Variants in INCENP observed in about 807,000 individuals in gnomAD.
The protein encoded by INCENP is inner centromere protein.
INCENP carries 43 observed loss-of-function variants against 107.3 expected under a neutral mutation model. The ratio of observed to expected loss-of-function variants is 0.40; its 90% CI spans 0.31 to 0.52. INCENP has a LOEUF of 0.52. Ranked by LOEUF, INCENP falls within the 20% of genes least tolerant of loss-of-function variation. The pLI is 0.53. For synonymous variants in INCENP, 488 were observed against 494.4 expected, an observed-to-expected ratio of 0.99 and a Z score of 0.17; for missense variants, 1,089 against 1,250.9, an observed-to-expected ratio of 0.87 and a Z score of 1.95.
intron 13 of INCENP, 36 bp downstream of exon 13, chr11:62,145,325 G>A (rs1372262451): frequency 6.2e-7 from 1 of 1,612,632 alleles, no homozygotes; most frequent in Middle Eastern, 1.6e-4. Context: ...AGGCAATTCA[G>A]GACTTGGGCC....
chr11:62,133,949 C>T (rs938752103), intron 4 of INCENP, among the ~76,000 whole-genome samples: 5 of 152,178 alleles, frequency 3.3e-5, no homozygotes, highest in Non-Finnish European at 5.9e-5. Flanking sequence ...CCAGCCTGAA[C>T]TCTGACCAAG....
Position 62,146,771 on chromosome 11 carries a change from G to A in INCENP, c.2073G>A (p.Glu691=), listed in dbSNP as rs1193814852. 6.5e-7 allele frequency: 1 copy of A among 1,540,306 alleles called. No homozygotes were observed. Among genetic ancestry groups the A allele is most frequent in the Admixed American group, 2.0e-5 (1 of 50,766 alleles). The stretch of plus-strand genomic sequence containing the variant: ...GGCTGGCAGAGCAGCGGGAGCAGGA[G>A]CGGCGGGAGCAGGAGCGGCGCGAGC... ...AKRLAEQREQ[E]RREQERREQE... Residue 691 remains glutamate (E), a synonymous_variant, in exon 15 of 19, where the codon GAG becomes GAA. Coordinates refer to ENST00000394818, the MANE Select transcript of INCENP (RefSeq NM_001040694.2).
rs760036597 is a variant in INCENP at position 62,145,338 on chromosome 11, G to A, written c.1836+49G>A. On this transcript the variant is annotated intron_variant, in intron 13 of 18. Coordinates refer to ENST00000394818, the MANE Select transcript of INCENP (RefSeq NM_001040694.2). The stretch of plus-strand genomic sequence containing the variant: ...CCAGGCAATTCAGGACTTGGGCCAA[G>A]GGTTAGGACTGGACCCCTCAGGAAA... The A allele has an allele frequency of 4.3e-6, 7 of 1,610,416 alleles. No individual in the cohort carries two copies. The African/African-American group carries it at 8.1e-5, about 19-fold the overall frequency.
rs994795154 is a variant in INCENP at position 62,152,055 on chromosome 11, G to A, written c.*79G>A. 6.1e-5 allele frequency: 68 copies of A among 1,106,460 alleles called. No individual in the cohort carries two copies. Among genetic ancestry groups the A allele is most frequent in the Non-Finnish European group, 8.4e-5 (64 of 765,612 alleles). The allele number at this position is 1,106,460 out of a possible 1,614,324, so 68.5% of individuals were successfully genotyped here. On this transcript the variant is annotated 3_prime_UTR_variant, in exon 19 of 19. Coordinates refer to ENST00000394818, the MANE Select transcript of INCENP (RefSeq NM_001040694.2). Reference sequence around the variant, plus strand: ...TGTCTGTCGGTCTCTGTCTTGGTCTGTTGCCCTCCTTCTTGGCATGCCATT... The same window carrying A: ...TGTCTGTCGGTCTCTGTCTTGGTCTATTGCCCTCCTTCTTGGCATGCCATT...
intron 11 of INCENP, 146 bp downstream of exon 11, chr11:62,141,657 G>T: frequency 8.9e-7 from 1 of 1,118,486 alleles, no homozygotes. Context: ...GGACGGTGAG[G>T]GGTGCACTGG....
intron 15 of INCENP, among the ~76,000 whole-genome samples, chr11:62,147,545 A>G (rs1166416839): frequency 6.6e-6 from 1 of 152,222 alleles, no homozygotes; most frequent in African/African-American, 2.4e-5. Flanking sequence ...GTCAGGAGAT[A>G]CATGGGATCC....
Position 62,148,465 on chromosome 11 carries a change from T to A in INCENP, c.2205-11T>A. 1 of 1,596,694 alleles carries A rather than the reference T, an allele frequency of 6.3e-7. No individual in the cohort carries two copies. The highest frequency in any genetic ancestry group is 8.5e-7 in the Non-Finnish European group (1 of 1,172,998). On this transcript the variant is annotated splice_polypyrimidine_tract_variant and intron_variant, in intron 15 of 18. Transcript: ENST00000394818. ...ACTTCCTGTCCTAACAGGCTCTTGC[T>A]GGGTCCTCAGGGAGCTGCAGGAGCG...
intron 7 of INCENP, among the ~76,000 whole-genome samples, chr11:62,139,207 G>A (rs752927755): frequency 6.6e-6 from 1 of 152,162 alleles, no homozygotes; most frequent in South Asian, 2.1e-4. Context: ...GTCACTGAGT[G>A]CAGCATGGGG....
rs1259770547 is a variant in INCENP at position 62,145,202 on chromosome 11, G to A, written c.1749G>A (p.Gln583=). ...KREERLRKVL[Q]ARERVEQMKE... is the part of the protein sequence containing the mutation. ...AGGAACGCCTCCGCAAGGTGCTGCA[G>A]GCCCGCGAGCGGGTGGAGCAGATGA... Residue 583 remains glutamine, a synonymous_variant, in exon 13 of 19, where the codon CAG becomes CAA. Coordinates refer to ENST00000394818, the MANE Select transcript of INCENP (RefSeq NM_001040694.2). The A allele has an allele frequency of 2.5e-6, 4 of 1,614,058 alleles. No individual in the cohort carries two copies. Among genetic ancestry groups the A allele is most frequent in the Non-Finnish European group, 3.4e-6 (4 of 1,180,044 alleles).
intron 17 of INCENP, 150 bp from the exon 18 acceptor site, chr11:62,149,907 G>A: frequency 1.4e-6 from 1 of 714,636 alleles, no homozygotes. Flanking sequence ...GGGCGACAGT[G>A]AGATTCTGTC....
In INCENP at chr11:62,151,953, G is replaced by T. The variant is rs143451073; in HGVS notation, c.2734G>T (p.Ala912Ser). 5.6e-6 allele frequency: 9 copies of T among 1,609,560 alleles called. No homozygotes were observed. The highest frequency in any genetic ancestry group is 8.5e-7 in the Non-Finnish European group (1 of 1,179,678). ...GGGCGCCAGGGTCCCCAGCAGCCTG[G>T]CCTACAGCCTGAAGAAGCACTGAGG... is the stretch of plus-strand genomic sequence containing the variant. ...LQGARVPSSL[A>S]YSLKKH The change falls in exon 19 of 19, where the codon GCC (alanine) becomes TCC (serine). Residue 912 changes from alanine to serine, a missense_variant. Transcript: ENST00000394818.
In INCENP at chr11:62,128,972, T is replaced by C. The variant is rs1943818495; in HGVS notation, c.254+89T>C. On this transcript the variant is annotated intron_variant, in intron 3 of 18. Coordinates refer to ENST00000394818, the MANE Select transcript of INCENP (RefSeq NM_001040694.2). ...GAGTTTGATTCTGAAGGTGTTGATT[T>C]GGAAGTAGCAGCCTGTAGGAGGGGT... 20 of 890,574 alleles carry C rather than the reference T, an allele frequency of 2.2e-5. No homozygotes were observed. The South Asian group carries it at 2.8e-4, about 13-fold the overall frequency. 55.2% of individuals were successfully genotyped at this position (890,574 alleles called of 1,614,324 possible). A position where few individuals can be genotyped will look rare whatever the true frequency, so the allele number is the denominator to read the frequency against.
At chr11:62,132,478 G>A (rs992386294) in intron 4 of INCENP, among the ~76,000 whole-genome samples, 1 of 152,252 alleles carries the variant, frequency 6.6e-6, no homozygotes, top group Non-Finnish European at 1.5e-5. Context: ...CAGATGTGCA[G>A]TCTGCCACAC....
intron 1 of INCENP, among the ~76,000 whole-genome samples, chr11:62,126,772 C>A (rs12272952): frequency 0.03 from 4,572 of 152,230 alleles, 258 homozygotes; most frequent in African/African-American, 0.11. Flanking sequence ...ATATAACCTA[C>A]ACACATCCTC....
At chr11:62,133,063 A>G (rs556996739) in intron 4 of INCENP, among the ~76,000 whole-genome samples, 11 of 152,254 alleles carry the variant, frequency 7.2e-5, no homozygotes, top group African/African-American at 2.6e-4. Context: ...AGGAGCTGCA[A>G]GGGTGTCAGG....
intron 14 of INCENP, among the ~76,000 whole-genome samples, 184 bp downstream of exon 14, chr11:62,145,935 T>G (rs556672949): frequency 6.6e-6 from 1 of 152,366 alleles, no homozygotes; most frequent in South Asian, 2.1e-4. Flanking sequence ...CTGCCTCTCC[T>G]GTAGCAGCAG....
intron 4 of INCENP, among the ~76,000 whole-genome samples, chr11:62,131,931 G>A (rs950817494): frequency 4.6e-5 from 7 of 152,140 alleles, no homozygotes; most frequent in African/African-American, 7.2e-5. Context: ...ACAAGCGCCC[G>A]CCATCACACC....
chr11:62,134,709 C>T (rs1020349821), intron 4 of INCENP, among the ~76,000 whole-genome samples: 1 of 152,110 alleles, frequency 6.6e-6, no homozygotes, highest in Non-Finnish European at 1.5e-5. Flanking sequence ...TTAAATAAGC[C>T]ACATTCTGCG....
At chr11:62,128,037 C>T (rs1214306570) in intron 1 of INCENP, 114 bp from the exon 2 acceptor site, 8 of 992,244 alleles carry the variant, frequency 8.1e-6, no homozygotes, top group African/African-American at 3.2e-5. Context: ...GGCCCTGGTT[C>T]GGGCACTGGG....
Sources: gnomAD v4.1 joint callset for allele counts (sites outside exome capture counted in the v4.1 genomes callset) on GRCh38, gnomAD v4.1.1 for gene constraint, MANE v1.5 for transcripts, NCBI Gene and HGNC (gene_info 2026-07-23, HGNC 2026-07-21) for gene names.